SLC35D3: variants seen among roughly 807,000 people sequenced by gnomAD.
The protein encoded by SLC35D3 is solute carrier family 35 member D3.
SLC35D3 carries 18 observed loss-of-function variants against 20.3 expected under a neutral mutation model. The ratio of observed to expected loss-of-function variants is 0.89; its 90% CI spans 0.61 to 1.32. SLC35D3 has a LOEUF of 1.32. Among genes scored for constraint, SLC35D3 ranks in the 40% most tolerant of loss-of-function variants. The pLI is 0.00. For missense variants in SLC35D3, 556 were observed against 565.5 expected, an observed-to-expected ratio of 0.98 and a Z score of 0.17; for synonymous variants, 313 against 263.5, an observed-to-expected ratio of 1.19 and a Z score of -1.82.
In SLC35D3 at chr6:136,923,596, G is replaced by A. The variant is rs1452453465; in HGVS notation, c.440-289G>A. 6.6e-6 allele frequency among the ~76,000 whole-genome samples: 1 copy of A among 152,216 alleles called. No homozygotes were observed. Among genetic ancestry groups the A allele is most frequent in the Non-Finnish European group, 1.5e-5 (1 of 68,030 alleles). On this transcript the variant is annotated intron_variant, in intron 1 of 1. Coordinates refer to ENST00000331858, the MANE Select transcript of SLC35D3 (RefSeq NM_001008783.3). This position sits in a 1 kb window ranked among gnomAD's most constrained non-coding sequence, Gnocchi z 6.2. ...GGAAGCCACAGCACCTGCCCCGAGG[G>A]CATCTGCGCTCTCCGGGGCCTTTGT... is the stretch of plus-strand genomic sequence containing the variant.
chr6:136,923,794 T>A lies in SLC35D3; in HGVS notation c.440-91T>A. On this transcript the variant is annotated intron_variant, in intron 1 of 1. Coordinates refer to ENST00000331858, the MANE Select transcript of SLC35D3 (RefSeq NM_001008783.3). The surrounding 1 kb of genome is among the most constrained non-coding windows in gnomAD (Gnocchi z 6.2). ...CCAGTCTCCTTTCCTACCCGACGCG[T>A]TTTCCCCGTGGGTCCCCGCCCACGC... 1 of 1,297,956 alleles carries A rather than the reference T, an allele frequency of 7.7e-7. No homozygotes were observed. Among genetic ancestry groups the A allele is most frequent in the East Asian group, 2.6e-5 (1 of 39,164 alleles). The allele number at this position is 1,297,956 out of a possible 1,614,324, so 80.4% of individuals were successfully genotyped here. A position where few individuals can be genotyped will look rare whatever the true frequency, so the allele number is the denominator to read the frequency against.
Position 136,923,744 on chromosome 6 carries a change from C to A in SLC35D3, c.440-141C>A. The A allele has an allele frequency of 1.3e-6, 1 of 799,148 alleles. No individual in the cohort carries two copies. Among genetic ancestry groups the A allele is most frequent in the Non-Finnish European group, 1.9e-6 (1 of 521,182 alleles). The allele number at this position is 799,148 out of a possible 1,614,324, so 49.5% of individuals were successfully genotyped here. A position where few individuals can be genotyped will look rare whatever the true frequency, so the allele number is the denominator to read the frequency against. On this transcript the variant is annotated intron_variant, in intron 1 of 1. Transcript: ENST00000331858. This position sits in a 1 kb window ranked among gnomAD's most constrained non-coding sequence, Gnocchi z 6.2. ...GGCGGGCGTCTGTCACTCAGGAATC[C>A]GGTGGGCAGAGCTGGGGCGCGAACC...
rs1776111076 is a variant in SLC35D3, at chr6:136,924,697, G to A, written c.*1G>A. 2 of 1,606,582 alleles carry A rather than the reference G, an allele frequency of 1.2e-6. No homozygotes were observed. Among genetic ancestry groups the A allele is most frequent in the African/African-American group, 2.7e-5 (2 of 74,930 alleles). ...AAACGAGGAGTTACCCAGTCCTTGA[G>A]AAGGAGGTGCATGTACGTACCTATG... On this transcript the variant is annotated 3_prime_UTR_variant, in exon 2 of 2. Coordinates refer to ENST00000331858, the MANE Select transcript of SLC35D3 (RefSeq NM_001008783.3).
rs374972774 is a variant in SLC35D3, at chr6:136,923,229, G to A, written c.439+362G>A. Among the ~76,000 whole-genome samples, 2 of 152,196 alleles carry A rather than the reference G, an allele frequency of 1.3e-5. No individual in the cohort carries two copies. The highest frequency in any genetic ancestry group is 3.9e-4 in the East Asian group (2 of 5,194). On this transcript the variant is annotated intron_variant, in intron 1 of 1. Transcript: ENST00000331858. The surrounding 1 kb of genome is among the most constrained non-coding windows in gnomAD (Gnocchi z 6.2). The stretch of plus-strand genomic sequence containing the variant: ...TGGGAGCTGGAGTCCTCCAAGCCTG[G>A]ACCAAGCCGGAAGGAGGGGGCCGTG...
rs1044062232 is a variant in SLC35D3, at chr6:136,923,667, C to G, written c.440-218C>G. Among the ~76,000 whole-genome samples, 2 of 152,134 alleles carry G rather than the reference C, an allele frequency of 1.3e-5. No homozygotes were observed. Among genetic ancestry groups the G allele is most frequent in the African/African-American group, 4.8e-5 (2 of 41,436 alleles). On this transcript the variant is annotated intron_variant, in intron 1 of 1. Coordinates refer to ENST00000331858, the MANE Select transcript of SLC35D3 (RefSeq NM_001008783.3). The surrounding 1 kb of genome is among the most constrained non-coding windows in gnomAD (Gnocchi z 6.2). ...GTGACCCGGGGATATGGCGGGAAGG[C>G]GCTCTGAGCACTGAGTTTGGCTGTC... is the stretch of plus-strand genomic sequence containing the variant.
At position 136,922,329 on chromosome 6, in the gene SLC35D3, C is replaced by T; in HGVS notation, c.-100C>T. The stretch of plus-strand genomic sequence containing the variant: ...CGGCGCCCCCTGCCCTTCGCCGCCG[C>T]GCTGGGCGGGCGCCCCCGCCGCCCT... On this transcript the variant is annotated 5_prime_UTR_variant, in exon 1 of 2. Coordinates refer to ENST00000331858, the MANE Select transcript of SLC35D3 (RefSeq NM_001008783.3). This position sits in a 1 kb window ranked among gnomAD's most constrained non-coding sequence, Gnocchi z 6.8. 9.2e-7 allele frequency: 1 copy of T among 1,088,744 alleles called. No individual in the cohort carries two copies. Among genetic ancestry groups the T allele is most frequent in the Non-Finnish European group, 1.1e-6 (1 of 873,258 alleles). The allele number at this position is 1,088,744 out of a possible 1,614,324, so 67.4% of individuals were successfully genotyped here.
Position 136,924,478 on chromosome 6 carries a change from C to CG in SLC35D3, c.1035dup (p.Ser346ValfsTer33). The stretch of plus-strand genomic sequence containing the variant: ...GCTGCCCGGGGAGGGAGGAAATGGC[C>CG]GGTCAGAAGGTGGGGAGGCAGCAGG... On this transcript the variant is annotated frameshift_variant, in exon 2 of 2. Coordinates refer to ENST00000331858, the MANE Select transcript of SLC35D3 (RefSeq NM_001008783.3). LOFTEE classifies it high-confidence loss of function. 1 of 1,613,530 alleles carries CG rather than the reference C, an allele frequency of 6.2e-7. No individual in the cohort carries two copies. Among genetic ancestry groups the CG allele is most frequent in the Non-Finnish European group, 8.5e-7 (1 of 1,179,802 alleles).
At position 136,924,456 on chromosome 6, in the gene SLC35D3, G is replaced by A. The variant is rs1562766358; in HGVS notation, c.1011G>A (p.Leu337=). The stretch of plus-strand genomic sequence containing the variant: ...AGCTGCCGTTCGTGATGGAGGAGCT[G>A]CCCGGGGAGGGAGGAAATGGCCGGT... The part of the protein sequence containing the change: ...GDQLPFVMEE[L]PGEGGNGRSE... The change falls in exon 2 of 2, where the codon CTG becomes CTA. Residue 337 remains leucine (L), a synonymous_variant. Coordinates refer to ENST00000331858, the MANE Select transcript of SLC35D3 (RefSeq NM_001008783.3). 2 of 1,613,848 alleles carry A rather than the reference G, an allele frequency of 1.2e-6. No homozygotes were observed. Among genetic ancestry groups the A allele is most frequent in the Admixed American group, 3.3e-5 (2 of 60,026 alleles).
At position 136,924,206 on chromosome 6, in the gene SLC35D3, C is replaced by T; in HGVS notation, c.761C>T (p.Thr254Ile). 2 of 1,613,848 alleles carry T rather than the reference C, an allele frequency of 1.2e-6. No individual in the cohort carries two copies. Among genetic ancestry groups the T allele is most frequent in the Non-Finnish European group, 1.7e-6 (2 of 1,180,034 alleles). ...TGCACCTACATCAATTCGGCCGTGA[C>T]CACCAGCTTCGTGGGTGTGGTGAAG... The part of the protein sequence containing the change: ...LHCTYINSAV[T>I]TSFVGVVKSI... The change falls in exon 2 of 2, where the codon ACC becomes ATC. Residue 254 changes from threonine to isoleucine, a missense_variant. Thr to Ile is a moderately conservative substitution (Grantham distance 89). Coordinates refer to ENST00000331858, the MANE Select transcript of SLC35D3 (RefSeq NM_001008783.3).
Position 136,922,683 on chromosome 6 carries a change from C to T in SLC35D3, c.255C>T (p.Ser85=), listed in dbSNP as rs1221013924. ...CCTTCGCGGGGGTCGCGGTGCTCTC[C>T]ACGCTGCAGTCCAGCCTCACGCTCT... The part of the protein sequence containing the change: ...ARSFAGVAVL[S]TLQSSLTLWS... Residue 85 remains serine, a synonymous_variant, in exon 1 of 2, where the codon TCC becomes TCT. Coordinates refer to ENST00000331858, the MANE Select transcript of SLC35D3 (RefSeq NM_001008783.3). The surrounding 1 kb of genome is among the most constrained non-coding windows in gnomAD (Gnocchi z 6.8). 6.2e-7 allele frequency: 1 copy of T among 1,603,606 alleles called. No homozygotes were observed. The highest frequency in any genetic ancestry group is 2.2e-5 in the East Asian group (1 of 44,476).
In SLC35D3 at chr6:136,922,531, C is replaced by T. The variant is rs1439109000; in HGVS notation, c.103C>T (p.Arg35Cys). The T allele has an allele frequency of 1.9e-6, 3 of 1,612,516 alleles. No individual in the cohort carries two copies. ...CATCTTGCTCAAGTTCCTCATCAGC[C>T]GCTACCAGTTCTCCTTCCTGACCCT... is the stretch of plus-strand genomic sequence containing the variant. The part of the protein sequence containing the change: ...LNILLKFLIS[R>C]YQFSFLTLVQ... The change falls in exon 1 of 2, where the codon CGC becomes TGC. Residue 35 changes from arginine (R) to cysteine (C), a missense_variant. Arg to Cys is a radical substitution (Grantham distance 180). Coordinates refer to ENST00000331858, the MANE Select transcript of SLC35D3 (RefSeq NM_001008783.3). The surrounding 1 kb of genome is among the most constrained non-coding windows in gnomAD (Gnocchi z 6.8).
In SLC35D3 at chr6:136,924,479, G is replaced by T. The variant is rs376414068; in HGVS notation, c.1034G>T (p.Arg345Leu). 29 of 1,613,450 alleles carry T rather than the reference G, an allele frequency of 1.8e-5. No homozygotes were observed. The Admixed American group carries it at 4.0e-4, about 22-fold the overall frequency. The change falls in exon 2 of 2, where the codon CGG becomes CTG. Residue 345 changes from arginine (R) to leucine (L), a missense_variant. By Grantham distance (102) the Arg-to-Leu change is moderately radical. Coordinates refer to ENST00000331858, the MANE Select transcript of SLC35D3 (RefSeq NM_001008783.3). ...EELPGEGGNG[R>L]SEGGEAAGGP... Reference sequence around the variant, plus strand: ...CTGCCCGGGGAGGGAGGAAATGGCCGGTCAGAAGGTGGGGAGGCAGCAGGT... The same window carrying T: ...CTGCCCGGGGAGGGAGGAAATGGCCTGTCAGAAGGTGGGGAGGCAGCAGGT...
At position 136,924,892 on chromosome 6, in the gene SLC35D3, A is replaced by C; in HGVS notation, c.*196A>C. ...TATTTAGTGTGACTTCACCTGAGGC[A>C]TCACAGAGACAAAAGAATGTGAAGC... On this transcript the variant is annotated 3_prime_UTR_variant, in exon 2 of 2. Coordinates refer to ENST00000331858, the MANE Select transcript of SLC35D3 (RefSeq NM_001008783.3). The C allele has an allele frequency of 3.8e-6, 2 of 530,326 alleles. No individual in the cohort carries two copies. The highest frequency in any genetic ancestry group is 6.4e-6 in the Non-Finnish European group (2 of 312,064). The allele number at this position is 530,326 out of a possible 1,614,324, so 32.9% of individuals were successfully genotyped here. A position where few individuals can be genotyped will look rare whatever the true frequency, so the allele number is the denominator to read the frequency against.
At position 136,924,463 on chromosome 6, in the gene SLC35D3, G is replaced by A. The variant is rs752141525; in HGVS notation, c.1018G>A (p.Glu340Lys). The A allele has an allele frequency of 1.2e-6, 2 of 1,613,844 alleles. No homozygotes were observed. Among genetic ancestry groups the A allele is most frequent in the South Asian group, 1.1e-5 (1 of 91,070 alleles). Reference sequence around the variant, plus strand: ...GTTCGTGATGGAGGAGCTGCCCGGGGAGGGAGGAAATGGCCGGTCAGAAGG... The same window carrying A: ...GTTCGTGATGGAGGAGCTGCCCGGGAAGGGAGGAAATGGCCGGTCAGAAGG... ...LPFVMEELPG[E>K]GGNGRSEGGE... The change falls in exon 2 of 2, where the codon GAG (glutamate) becomes AAG (lysine). Residue 340 changes from glutamate (E) to lysine (K), a missense_variant. Transcript: ENST00000331858.
In SLC35D3 at chr6:136,924,042, G is replaced by T. The variant is rs375054369; in HGVS notation, c.597G>T (p.Pro199=). 6.2e-7 allele frequency: 1 copy of T among 1,607,480 alleles called. No individual in the cohort carries two copies. The stretch of plus-strand genomic sequence containing the variant: ...ACGTCATCGCCGTCTCTGCCACCCC[G>T]CTGCTGGTCATCTGCTCCTTCGCCA... ...AQYVIAVSAT[P]LLVICSFAST... Residue 199 remains proline, a synonymous_variant, in exon 2 of 2, where the codon CCG becomes CCT. Transcript: ENST00000331858.
chr6:136,923,788 G>A lies in SLC35D3; in HGVS notation c.440-97G>A, dbSNP rs1298655368. 8.3e-7 allele frequency: 1 copy of A among 1,208,290 alleles called. No homozygotes were observed. Among genetic ancestry groups the A allele is most frequent in the Non-Finnish European group, 1.1e-6 (1 of 891,516 alleles). The allele number at this position is 1,208,290 out of a possible 1,614,324, so 74.8% of individuals were successfully genotyped here. A position where few individuals can be genotyped will look rare whatever the true frequency, so the allele number is the denominator to read the frequency against. ...GCGAACCCAGTCTCCTTTCCTACCC[G>A]ACGCGTTTTCCCCGTGGGTCCCCGC... is the stretch of plus-strand genomic sequence containing the variant. On this transcript the variant is annotated intron_variant, in intron 1 of 1. Coordinates refer to ENST00000331858, the MANE Select transcript of SLC35D3 (RefSeq NM_001008783.3). The surrounding 1 kb of genome is among the most constrained non-coding windows in gnomAD (Gnocchi z 6.2).
Position 136,922,571 on chromosome 6 carries a change from C to A in SLC35D3, c.143C>A (p.Thr48Asn). Reference sequence around the variant, plus strand: ...TTCCTGACCCTGGTGCAGTGCCTGACCAGCTCCACCGCGGCGCTGAGCCTG... The same window carrying A: ...TTCCTGACCCTGGTGCAGTGCCTGAACAGCTCCACCGCGGCGCTGAGCCTG... ...FSFLTLVQCL[T>N]SSTAALSLEL... Residue 48 changes from threonine (T) to asparagine (N), a missense_variant, in exon 1 of 2, where the codon ACC (threonine) becomes AAC (asparagine). By Grantham distance (65) the Thr-to-Asn change is moderately conservative (BLOSUM62 0). Coordinates refer to ENST00000331858, the MANE Select transcript of SLC35D3 (RefSeq NM_001008783.3). This position sits in a 1 kb window ranked among gnomAD's most constrained non-coding sequence, Gnocchi z 6.8. The A allele has an allele frequency of 6.2e-7, 1 of 1,612,582 alleles. No individual in the cohort carries two copies. The highest frequency in any genetic ancestry group is 1.3e-5 in the African/African-American group (1 of 75,042).
At position 136,925,094 on chromosome 6, in the gene SLC35D3, CATTTTTTG is replaced by C. The variant is rs1297904545; in HGVS notation, c.*401_*408del. 6.2e-6 allele frequency: 1 copy of C among 162,342 alleles called. No individual in the cohort carries two copies. Among genetic ancestry groups the C allele is most frequent in the Non-Finnish European group, 1.4e-5 (1 of 74,044 alleles). 10.1% of individuals were successfully genotyped at this position (162,342 alleles called of 1,614,324 possible). On this transcript the variant is annotated 3_prime_UTR_variant, in exon 2 of 2. Transcript: ENST00000331858. ...AGTTCAAAGATGACATTCAGGGATGCATTTTTTGATGATAGAACTACAGTTTTTATCGC... is the reference window on the plus strand; with the variant it reads ...AGTTCAAAGATGACATTCAGGGATGCATGATAGAACTACAGTTTTTATCGC...
At position 136,924,176 on chromosome 6, in the gene SLC35D3, T is replaced by C. The variant is rs1410979933; in HGVS notation, c.731T>C (p.Leu244Pro). The C allele has an allele frequency of 6.2e-7, 1 of 1,613,176 alleles. No homozygotes were observed. The highest frequency in any genetic ancestry group is 1.3e-5 in the African/African-American group (1 of 74,930). ...LIGCAMNFTT[L>P]HCTYINSAVT... The stretch of plus-strand genomic sequence containing the variant: ...GGCTGCGCCATGAACTTCACCACGC[T>C]GCACTGCACCTACATCAATTCGGCC... Residue 244 changes from leucine (L) to proline (P), a missense_variant, in exon 2 of 2, where the codon CTG becomes CCG. Leu to Pro is a moderately conservative substitution (Grantham distance 98). Transcript: ENST00000331858.
Sources: allele counts gnomAD v4.1 joint callset (sites outside exome capture counted in the v4.1 genomes callset), GRCh38; gene constraint gnomAD v4.1.1; non-coding constraint Gnocchi (gnomAD v3.1); transcripts MANE v1.5; gene names NCBI Gene and HGNC (gene_info 2026-07-23, HGNC 2026-07-21).